The following RGS7 variants were observed in gnomAD, a reference collection of about 807,000 sequenced individuals.
RGS7 encodes the protein regulator of G protein signaling 7, also known as regulator of G-protein signaling 7.
Under a neutral mutation model 81.1 loss-of-function variants are expected in RGS7, and 27 were observed. That is an observed-to-expected ratio of 0.33 (90% CI 0.25 to 0.46). RGS7 has a LOEUF of 0.46. Among genes scored for constraint, RGS7 ranks in the 20% least tolerant of loss-of-function variants. The pLI is 1.00. For missense variants in RGS7, 396 were observed against 607.4 expected (o/e 0.65, Z 3.66); for synonymous variants, 208 against 207.7 (o/e 1.00, Z -0.01).
At chr1:241,315,742 A>G (rs754080646) in intron 2 of RGS7, among the ~76,000 whole-genome samples, 1 of 152,192 alleles carries the variant, frequency 6.6e-6, no homozygotes, top group African/African-American at 2.4e-5. Context: ...TGCTGAATAG[A>G]AGTGTCAACA....
chr1:241,242,100 GC>G (rs1172399731), intron 2 of RGS7, among the ~76,000 whole-genome samples: 2 of 150,790 alleles, frequency 1.3e-5, no homozygotes, highest in East Asian at 1.9e-4. Flanking sequence ...ATCCCCTACT[GC>G]CCCCCACCCT....
chr1:241,028,672 C>T (rs891363508), intron 3 of RGS7, among the ~76,000 whole-genome samples: 1 of 152,070 alleles, frequency 6.6e-6, no homozygotes, highest in African/African-American at 2.4e-5. Flanking sequence ...AGCGAGGGCC[C>T]AGGGAGGCGC....
rs560257372 is a variant in RGS7, at chr1:240,888,979, G to A, written c.386-18860C>T. 1.2e-3 allele frequency among the ~76,000 whole-genome samples: 188 copies of A among 152,126 alleles called. 1 individual carries two copies. The highest frequency in any genetic ancestry group is 3.6e-3 in the African/African-American group (151 of 41,508). The stretch of plus-strand genomic sequence containing the variant: ...TTTGTTTTTGTTTTGTTTTTGAGAC[G>A]GAGTCCCACTCTATTGCCCAGGCTG... On this transcript the variant is annotated intron_variant, in intron 6 of 18. Coordinates refer to ENST00000440928, the MANE Select transcript of RGS7 (RefSeq NM_001364886.1).
chr1:241,245,001 A>T (rs967037574), intron 2 of RGS7, among the ~76,000 whole-genome samples: 1 of 151,588 alleles, frequency 6.6e-6, no homozygotes, highest in Non-Finnish European at 1.5e-5. Flanking sequence ...AGATATACCT[A>T]ATGTTAAATG....
At chr1:241,167,712 G>T (rs2103239496) in intron 2 of RGS7, among the ~76,000 whole-genome samples, 1 of 151,866 alleles carries the variant, frequency 6.6e-6, no homozygotes, top group East Asian at 1.9e-4. Flanking sequence ...TAGAGACGGG[G>T]TTTCATCATG....
chr1:240,840,185 G>A (rs749876443), intron 9 of RGS7, among the ~76,000 whole-genome samples: 6 of 151,948 alleles, frequency 3.9e-5, no homozygotes, highest in Admixed American at 1.3e-4. Context: ...ACATCACATC[G>A]GTCTCCTCGT....
intron 3 of RGS7, among the ~76,000 whole-genome samples, chr1:241,043,017 GTA>G (rs2060708032): frequency 6.7e-6 from 1 of 148,208 alleles, no homozygotes; most frequent in Admixed American, 6.7e-5. Flanking sequence ...ACTTTATATT[GTA>G]TGGTATACTT....
intron 6 of RGS7, among the ~76,000 whole-genome samples, chr1:240,919,341 C>T (rs539792601): frequency 7.9e-5 from 12 of 152,066 alleles, no homozygotes; most frequent in Non-Finnish European, 1.8e-4. Context: ...AAAATATTAG[C>T]ATATTATATC....
intron 2 of RGS7, among the ~76,000 whole-genome samples, chr1:241,336,044 T>C (rs2082228556): frequency 6.6e-6 from 1 of 152,180 alleles, no homozygotes; most frequent in Non-Finnish European, 1.5e-5. Flanking sequence ...GCATCCAACA[T>C]TTTTTATGAA....
chr1:241,306,148 A>ACACACT (rs61022380), intron 2 of RGS7, among the ~76,000 whole-genome samples: 1 of 142,878 alleles, frequency 7.0e-6, no homozygotes, highest in African/African-American at 2.6e-5. Flanking sequence ...ACACACACAC[A>ACACACT]CTCACACACG....
At chr1:240,955,323 C>T (rs540656369) in intron 4 of RGS7, among the ~76,000 whole-genome samples, 7 of 152,174 alleles carry the variant, frequency 4.6e-5, no homozygotes, top group Admixed American at 2.0e-4. Flanking sequence ...GAGGCCGAGG[C>T]GGGCGGATCA....
intron 10 of RGS7, among the ~76,000 whole-genome samples, chr1:240,824,725 GCCCTAT>G (rs1218471309): frequency 6.6e-6 from 1 of 152,226 alleles, no homozygotes; most frequent in Non-Finnish European, 1.5e-5. Flanking sequence ...TTATGTTGCA[GCCCTAT>G]CCCCCAACAT....
At chr1:240,999,513 A>T (rs1208222473) in intron 3 of RGS7, among the ~76,000 whole-genome samples, 2 of 152,204 alleles carry the variant, frequency 1.3e-5, no homozygotes, top group Non-Finnish European at 2.9e-5. Context: ...TAATCTATTA[A>T]CTCTGTCATC....
At chr1:240,841,236 C>G (rs1657921999) in intron 9 of RGS7, among the ~76,000 whole-genome samples, 1 of 152,222 alleles carries the variant, frequency 6.6e-6, no homozygotes, top group Non-Finnish European at 1.5e-5. Flanking sequence ...TGGGAACTTA[C>G]AAAGCCTCAG....
At chr1:241,275,252 T>C (rs2078131690) in intron 2 of RGS7, among the ~76,000 whole-genome samples, 1 of 152,204 alleles carries the variant, frequency 6.6e-6, no homozygotes, top group East Asian at 1.9e-4. Flanking sequence ...CCAGCAATAA[T>C]GCTTTGACCT....
chr1:240,902,274 C>A (rs890268892), intron 6 of RGS7, among the ~76,000 whole-genome samples: 1 of 152,194 alleles, frequency 6.6e-6, no homozygotes, highest in Non-Finnish European at 1.5e-5. Flanking sequence ...AGAAGCATTA[C>A]AACTATTTAG....
chr1:241,306,646 T>C (rs2080174201), intron 2 of RGS7, among the ~76,000 whole-genome samples: 1 of 140,584 alleles, frequency 7.1e-6, no homozygotes, highest in Admixed American at 7.0e-5. Flanking sequence ...GCACGTACCC[T>C]TTCACACACA....
intron 2 of RGS7, among the ~76,000 whole-genome samples, chr1:241,191,002 C>T (rs1367325998): frequency 1.4e-5 from 2 of 147,904 alleles, no homozygotes; most frequent in South Asian, 2.1e-4. Flanking sequence ...TTTTTTTTTG[C>T]GACGGAGTCT....
At chr1:240,809,817 CAT>C (rs1347463527) in intron 14 of RGS7, among the ~76,000 whole-genome samples, 7 of 151,972 alleles carry the variant, frequency 4.6e-5, no homozygotes, top group African/African-American at 9.7e-5. Context: ...ACTAAGGAAA[CAT>C]ATGATAGGCA....
Sources: allele counts gnomAD v4.1 joint callset (sites outside exome capture counted in the v4.1 genomes callset), GRCh38; gene constraint gnomAD v4.1.1; transcripts MANE v1.5; gene names NCBI Gene and HGNC (gene_info 2026-07-23, HGNC 2026-07-21).